The following NUDT4 variants were observed in gnomAD, a reference collection of about 807,000 sequenced individuals.
The protein encoded by NUDT4 is diphosphoinositol polyphosphate phosphohydrolase 2.
Under a neutral mutation model 23.1 loss-of-function variants are expected in NUDT4, and 5 were observed. The observed-to-expected ratio is 0.22, with a 90% CI of 0.11 to 0.46. The LOEUF (loss-of-function observed/expected upper bound fraction) is 0.46, where lower values mean the gene tolerates loss of function less well. Among genes scored for constraint, NUDT4 ranks in the 20% least tolerant of loss-of-function variants. The pLI is 0.99. For missense variants in NUDT4, 96 were observed against 211.6 expected (o/e 0.45, Z 3.39); for synonymous variants, 50 against 79.0 (o/e 0.63, Z 1.95).
intron 1 of NUDT4, among the ~76,000 whole-genome samples, chr12:93,382,121 G>A (rs1047626613): frequency 7.2e-5 from 11 of 152,016 alleles, no homozygotes; most frequent in Admixed American, 6.6e-4. Context: ...AAAAGCAGCC[G>A]GGCGTGGTGG....
intron 1 of NUDT4, among the ~76,000 whole-genome samples, chr12:93,384,585 T>G (rs538305601): frequency 6.6e-6 from 1 of 152,124 alleles, no homozygotes. Flanking sequence ...ATTGCAAAAA[T>G]ATTTTATAAT....
At chr12:93,393,424 T>C (rs2120937649) in intron 1 of NUDT4, among the ~76,000 whole-genome samples, 1 of 152,214 alleles carries the variant, frequency 6.6e-6, no homozygotes, top group South Asian at 2.1e-4. Flanking sequence ...TTAATGCTAT[T>C]CTTGGTAAGG....
At chr12:93,395,877 C>T (rs778177663) in intron 3 of NUDT4, among the ~76,000 whole-genome samples, 14 of 152,294 alleles carry the variant, frequency 9.2e-5, no homozygotes, top group East Asian at 1.9e-4. Context: ...CGCGCCACCA[C>T]GCCCAGCTAA....
At chr12:93,385,970 T>TATATATATATATATATATATATATATAC (rs1243696865) in intron 1 of NUDT4, among the ~76,000 whole-genome samples, 9 of 118,616 alleles carry the variant, frequency 7.6e-5, no homozygotes, top group South Asian at 2.7e-4. Flanking sequence ...TATATATATA[T>TATATATATATATATATATATATATATAC]ACATAATTTT....
At position 93,385,941 on chromosome 12, in the gene NUDT4, T is replaced by TTATA. The variant is rs371683658; in HGVS notation, c.99+7547_99+7550dup. ...ATATATATATATATAGTAAATCTTT[T>TTATA]TATATATATATATATATATATATAT... On this transcript the variant is annotated intron_variant, in intron 1 of 4. Transcript: ENST00000415493. 3.4e-3 allele frequency among the ~76,000 whole-genome samples: 360 copies of TTATA among 104,590 alleles called. 2 individuals are homozygous for TTATA. Among genetic ancestry groups the TTATA allele is most frequent in the South Asian group, 0.01 (32 of 3,088 alleles). The allele number at this position is 104,590 out of a possible 152,430, so 68.6% of individuals were successfully genotyped here. A position where few individuals can be genotyped will look rare whatever the true frequency, so the allele number is the denominator to read the frequency against.
rs1022972773 is a variant in NUDT4, at chr12:93,406,848, CAA to C, written c.*7470_*7471del. ...CCTAGAACCAGTTCCCGACAAATAC[CAA>C]GAGATGACTTTACTTTAGACCTAAG... On this transcript the variant is annotated 3_prime_UTR_variant, in exon 5 of 5. Coordinates refer to ENST00000415493, the MANE Select transcript of NUDT4 (RefSeq NM_019094.6). The C allele has an allele frequency of 1.3e-5, 2 of 152,126 alleles. No individual in the cohort carries two copies. Among genetic ancestry groups the C allele is most frequent in the Admixed American group, 6.5e-5 (1 of 15,274 alleles). The allele number at this position is 152,126 out of a possible 1,614,324, so 9.4% of individuals were successfully genotyped here.
At chr12:93,378,453 G>A (rs1476012568) in intron 1 of NUDT4, 32 bp downstream of exon 1, 1 of 1,521,658 alleles carries the variant, frequency 6.6e-7, no homozygotes, top group Non-Finnish European at 8.9e-7. Flanking sequence ...GCTGCCCTCC[G>A]GGGCGCCGGG....
intron 2 of NUDT4, 128 bp from the exon 3 acceptor site, chr12:93,395,361 T>C: frequency 2.9e-6 from 2 of 698,198 alleles, no homozygotes; most frequent in Non-Finnish European, 5.2e-6. Flanking sequence ...AGCAGGAAGA[T>C]AGTGAGTTGG....
chr12:93,390,575 T>C (rs1876422736), intron 1 of NUDT4, among the ~76,000 whole-genome samples: 1 of 151,898 alleles, frequency 6.6e-6, no homozygotes, highest in Admixed American at 6.6e-5. Flanking sequence ...TTCTATAAAG[T>C]CTCATCTGGG....
At chr12:93,393,808 G>T (rs7487813) in intron 1 of NUDT4, among the ~76,000 whole-genome samples, 25,826 of 152,050 alleles carry the variant, frequency 0.17, 2,298 homozygotes, top group African/African-American at 0.2. Flanking sequence ...CAAGCACTCT[G>T]TATCAAGAAT....
chr12:93,398,113 T>C (rs1009484489), intron 3 of NUDT4, among the ~76,000 whole-genome samples: 2 of 151,674 alleles, frequency 1.3e-5, no homozygotes, highest in African/African-American at 4.8e-5. Context: ...GAGGCCGAGG[T>C]GGGTGGATCA....
At chr12:93,380,729 T>C (rs537248289) in intron 1 of NUDT4, among the ~76,000 whole-genome samples, 1 of 152,334 alleles carries the variant, frequency 6.6e-6, no homozygotes, top group African/African-American at 2.4e-5. Flanking sequence ...CTCTGTTAGC[T>C]TTCCTGGAGA....
intron 1 of NUDT4, among the ~76,000 whole-genome samples, chr12:93,381,680 C>T (rs995864430): frequency 1.3e-5 from 2 of 152,210 alleles, no homozygotes; most frequent in African/African-American, 2.4e-5. Context: ...AGACTTGGGG[C>T]TGTGATAGAT....
chr12:93,391,416 T>C (rs747315341), intron 1 of NUDT4, among the ~76,000 whole-genome samples: 1 of 151,880 alleles, frequency 6.6e-6, no homozygotes, highest in Non-Finnish European at 1.5e-5. Flanking sequence ...AATACAAAAA[T>C]TAGCTGGTCT....
At chr12:93,387,894 G>A (rs1481910256) in intron 1 of NUDT4, among the ~76,000 whole-genome samples, 3 of 152,206 alleles carry the variant, frequency 2.0e-5, no homozygotes, top group East Asian at 3.9e-4. Flanking sequence ...CCATCATCCA[G>A]TCTATTCTCT....
At chr12:93,390,814 A>G (rs997754046) in intron 1 of NUDT4, among the ~76,000 whole-genome samples, 15 of 152,130 alleles carry the variant, frequency 9.9e-5, no homozygotes, top group African/African-American at 3.1e-4. Context: ...TGTGTTGCCC[A>G]GGCTGTTCTC....
At chr12:93,391,369 A>C (rs1876486903) in intron 1 of NUDT4, among the ~76,000 whole-genome samples, 1 of 152,002 alleles carries the variant, frequency 6.6e-6, no homozygotes, top group African/African-American at 2.4e-5. Context: ...GTTTGAGATC[A>C]GTCTGGCCAA....
chr12:93,383,692 C>A (rs144287119), intron 1 of NUDT4, among the ~76,000 whole-genome samples: 1 of 152,030 alleles, frequency 6.6e-6, no homozygotes, highest in Non-Finnish European at 1.5e-5. Flanking sequence ...ATTAGCCAGG[C>A]GTGGTGGTGT....
At chr12:93,394,542 T>G in intron 1 of NUDT4, 67 bp from the exon 2 acceptor site, 18 of 876,198 alleles carry the variant, frequency 2.1e-5, no homozygotes, top group Non-Finnish European at 3.1e-5. Context: ...TGCAGAGGTT[T>G]GAGAATGTTG....
Sources: allele counts gnomAD v4.1 joint callset (sites outside exome capture counted in the v4.1 genomes callset), GRCh38; gene constraint gnomAD v4.1.1; transcripts MANE v1.5; gene names NCBI Gene and HGNC (gene_info 2026-07-23, HGNC 2026-07-21).